Variants in SCAF4 observed in about 807,000 individuals in gnomAD.
SCAF4 encodes the protein SR-related and CTD-associated factor 4.
SCAF4 carries 25 observed loss-of-function variants against 129.8 expected under a neutral mutation model. The observed-to-expected ratio is 0.19, with a 90% confidence interval of 0.14 to 0.27. The LOEUF (loss-of-function observed/expected upper bound fraction) is 0.27, where lower values mean the gene tolerates loss of function less well. Ranked by LOEUF, SCAF4 falls within the 10% of genes least tolerant of loss-of-function variation. SCAF4 has a pLI of 1.00. For synonymous variants in SCAF4, 551 were observed against 497.7 expected (o/e 1.11, Z -1.43); for missense variants, 1,246 against 1,457.1 (o/e 0.86, Z 2.36).
intron 1 of SCAF4, 143 bp downstream of exon 1, chr21:31,731,520 C>T: frequency 1.0e-6 from 1 of 961,014 alleles, no homozygotes; most frequent in Non-Finnish European, 1.5e-6. Context: ...CCACAGGCCC[C>T]GCTCCGCGCA....
Position 31,701,123 on chromosome 21 carries a change from G to A in SCAF4, c.649C>T (p.Pro217Ser). The A allele has an allele frequency of 6.2e-7, 1 of 1,609,430 alleles. No individual in the cohort carries two copies. The highest frequency in any genetic ancestry group is 8.5e-7 in the Non-Finnish European group (1 of 1,177,566). Residue 217 changes from proline (P) to serine (S), a missense_variant, in exon 7 of 20, where the codon CCT becomes TCT. Coordinates refer to ENST00000286835, the MANE Select transcript of SCAF4 (RefSeq NM_020706.2). Reference protein sequence around the residue: ...TFQQPPKPQSPALDNAVMAQV... With the variant: ...TFQQPPKPQSSALDNAVMAQV... The stretch of plus-strand genomic sequence containing the variant: ...GCCATCACAGCATTGTCAAGGGCAG[G>A]AGACTGTGGTTTTGGAGGCTGTTGA...
At chr21:31,706,406 G>T (rs2050663811) in intron 1 of SCAF4, 49 bp from the exon 2 acceptor site, 1 of 1,259,458 alleles carries the variant, frequency 7.9e-7, no homozygotes, top group Admixed American at 2.0e-5. Context: ...TATTTGGCTA[G>T]TAAATAAGCA....
In SCAF4 at chr21:31,717,842, TACACACACAC is replaced by T. The variant is rs66498283; in HGVS notation, c.31-11495_31-11486del. Among the ~76,000 whole-genome samples the T allele has an allele frequency of 1.3e-4, 15 of 114,384 alleles. 1 individual carries two copies. The highest frequency in any genetic ancestry group is 2.8e-4 in the South Asian group (1 of 3,550). 75.0% of individuals were successfully genotyped at this position (114,384 alleles called of 152,430 possible). On this transcript the variant is annotated intron_variant, in intron 1 of 19. Transcript: ENST00000286835. ...AACTGCTGCCATATATATATATATATACACACACACACACACACACACACACACATATACA... is the reference window on the plus strand; with the variant it reads ...AACTGCTGCCATATATATATATATATACACACACACACACACACATATACA...
Position 31,671,599 on chromosome 21 carries a change from C to G in SCAF4, c.3244G>C (p.Glu1082Gln). The stretch of plus-strand genomic sequence containing the variant: ...TTACCACCTGCCCTGTCTGTCACCT[C>G]AGGCTTTTCCTTTCCTCGGGCTTCT... ...KEEARGKEKP[E>Q]VTDRAGGNKT... Residue 1082 changes from glutamate (E) to glutamine (Q), a missense_variant, in exon 20 of 20, where the codon GAG becomes CAG. Physicochemically the swap from Glu to Gln is conservative, Grantham distance 29 (BLOSUM62 2). Transcript: ENST00000286835. The G allele has an allele frequency of 3.1e-6, 5 of 1,614,190 alleles. No homozygotes were observed. Among genetic ancestry groups the G allele is most frequent in the Middle Eastern group, 1.6e-4 (1 of 6,062 alleles).
Position 31,731,985 on chromosome 21 carries a change from T to C in SCAF4, c.-293A>G, listed in dbSNP as rs2051375530. The C allele has an allele frequency of 6.3e-6, 3 of 472,690 alleles. No homozygotes were observed. Among genetic ancestry groups the C allele is most frequent in the African/African-American group, 2.1e-5 (1 of 48,424 alleles). 29.3% of individuals were successfully genotyped at this position (472,690 alleles called of 1,614,324 possible). A position where few individuals can be genotyped will look rare whatever the true frequency, so the allele number is the denominator to read the frequency against. ...TTGGTGGTGGCGGCTGCGCTCTGCG[T>C]CTCGCTGACACGGCCCCCCGCGCCC... is the stretch of plus-strand genomic sequence containing the variant. On this transcript the variant is annotated 5_prime_UTR_variant, in exon 1 of 20. Coordinates refer to ENST00000286835, the MANE Select transcript of SCAF4 (RefSeq NM_020706.2).
chr21:31,671,135 C>T lies in SCAF4; in HGVS notation c.*264G>A. ...AAAAAAAAAAAAAAAATAGAGAGCA[C>T]TTCTAATTACGATTTGTAAACTTTT... On this transcript the variant is annotated 3_prime_UTR_variant, in exon 20 of 20. Transcript: ENST00000286835. 3.2e-6 allele frequency: 1 copy of T among 315,300 alleles called. No individual in the cohort carries two copies. The highest frequency in any genetic ancestry group is 5.7e-6 in the Non-Finnish European group (1 of 175,404). The allele number at this position is 315,300 out of a possible 1,614,324, so 19.5% of individuals were successfully genotyped here.
At chr21:31,686,080 G>A (rs2050114816) in intron 16 of SCAF4, among the ~76,000 whole-genome samples, 1 of 151,948 alleles carries the variant, frequency 6.6e-6, no homozygotes, top group Admixed American at 6.6e-5. Flanking sequence ...GCAAGCACCT[G>A]TAATCCCAGC....
In SCAF4 at chr21:31,672,261, C is replaced by A; in HGVS notation, c.2582G>T (p.Arg861Leu). The A allele has an allele frequency of 6.2e-7, 1 of 1,613,504 alleles. No individual in the cohort carries two copies. The highest frequency in any genetic ancestry group is 8.5e-7 in the Non-Finnish European group (1 of 1,179,758). Residue 861 changes from arginine to leucine, a missense_variant, in exon 20 of 20, where the codon CGC (arginine) becomes CTC (leucine). Transcript: ENST00000286835. ...GARPGLIPLQRPPGMPPPHLQ... is the reference protein window; with the variant it reads ...GARPGLIPLQLPPGMPPPHLQ... The stretch of plus-strand genomic sequence containing the variant: ...GTGAGGTGGGGGCATTCCTGGAGGG[C>A]GCTGGAGTGGGATGAGACCGGGCCG...
chr21:31,700,257 T>TAC (rs1193999082), intron 7 of SCAF4, among the ~76,000 whole-genome samples: 1 of 150,442 alleles, frequency 6.6e-6, no homozygotes, highest in African/African-American at 2.4e-5. Context: ...ATATTATTAA[T>TAC]ACACACACAT....
intron 14 of SCAF4, 126 bp downstream of exon 14, chr21:31,691,691 A>T: frequency 1.9e-5 from 7 of 378,034 alleles, no homozygotes; most frequent in South Asian, 1.0e-4. Context: ...AAAAAAAAAA[A>T]GATGCACATG....
chr21:31,724,120 C>T (rs770415831), intron 1 of SCAF4, among the ~76,000 whole-genome samples: 24 of 152,018 alleles, frequency 1.6e-4, no homozygotes, highest in African/African-American at 4.3e-4. Context: ...AATCAATAAA[C>T]GATGCAAATA....
intron 3 of SCAF4, among the ~76,000 whole-genome samples, chr21:31,705,142 A>C (rs921328918): frequency 6.6e-6 from 1 of 152,230 alleles, no homozygotes; most frequent in Non-Finnish European, 1.5e-5. Context: ...TGTCAACAGC[A>C]GTCAGGGCAA....
chr21:31,720,990 G>T (rs577196805), intron 1 of SCAF4, among the ~76,000 whole-genome samples: 1 of 152,274 alleles, frequency 6.6e-6, no homozygotes, highest in East Asian at 1.9e-4. Context: ...CAACAGCTTT[G>T]TGATATAAAT....
intron 19 of SCAF4, among the ~76,000 whole-genome samples, chr21:31,677,579 A>T (rs144016165): frequency 6.6e-6 from 1 of 152,170 alleles, no homozygotes; most frequent in Non-Finnish European, 1.5e-5. Flanking sequence ...CATTTTGCTA[A>T]ATCCAGCTGC....
At chr21:31,685,012 G>A in intron 19 of SCAF4, 37 bp downstream of exon 19, 1 of 939,500 alleles carries the variant, frequency 1.1e-6, no homozygotes, top group Non-Finnish European at 1.6e-6. Context: ...GGGGGGGGTG[G>A]GGCAAGGAAA....
At chr21:31,676,712 AT>A (rs1389093633) in intron 19 of SCAF4, among the ~76,000 whole-genome samples, 1 of 152,230 alleles carries the variant, frequency 6.6e-6, no homozygotes, top group African/African-American at 2.4e-5. Context: ...AAATTCACAC[AT>A]CCTGTAATTT....
In SCAF4 at chr21:31,700,290, C is replaced by G. The variant is rs148674949; in HGVS notation, c.777+705G>C. Among the ~76,000 whole-genome samples, 460 of 151,516 alleles carry G rather than the reference C, an allele frequency of 3.0e-3. 1 individual carries two copies. The highest frequency in any genetic ancestry group is 0.011 in the African/African-American group (440 of 41,388). On this transcript the variant is annotated intron_variant, in intron 7 of 19. Transcript: ENST00000286835. ...CATATATATTAAAAATAAATAAACACAGACGGAGTCTCACTATGTTGCCCA... is the reference window on the plus strand; with the variant it reads ...CATATATATTAAAAATAAATAAACAGAGACGGAGTCTCACTATGTTGCCCA...
intron 1 of SCAF4, among the ~76,000 whole-genome samples, chr21:31,728,090 A>G (rs887386698): frequency 3.3e-5 from 5 of 152,110 alleles, no homozygotes; most frequent in African/African-American, 4.8e-5. Context: ...TCTCTTATCC[A>G]TAATTTTGCT....
Position 31,724,914 on chromosome 21 carries a change from ATACT to A in SCAF4, c.30+6745_30+6748del, listed in dbSNP as rs572231513. ...ACAAAATGATAGACTAGGGAGGGAA[ATACT>A]TACAACAAGAACATCAGTGATAAAC... On this transcript the variant is annotated intron_variant, in intron 1 of 19. Coordinates refer to ENST00000286835, the MANE Select transcript of SCAF4 (RefSeq NM_020706.2). 3.2e-4 allele frequency among the ~76,000 whole-genome samples: 48 copies of A among 152,352 alleles called. No homozygotes were observed. The South Asian group carries it at 9.5e-3, about 30-fold the overall frequency.
Sources: allele counts gnomAD v4.1 joint callset (sites outside exome capture counted in the v4.1 genomes callset), GRCh38; gene constraint gnomAD v4.1.1; transcripts MANE v1.5; gene names NCBI Gene and HGNC (gene_info 2026-07-23, HGNC 2026-07-21).